Variants in FAM210A observed in about 807,000 individuals in gnomAD.
FAM210A encodes family with sequence similarity 210 member A.
FAM210A carries 13 observed loss-of-function variants against 25.3 expected under a neutral mutation model. The ratio of observed to expected loss-of-function variants is 0.51; its 90% CI spans 0.33 to 0.82. The LOEUF is 0.82. Ranked by LOEUF, FAM210A falls within the 40% of genes least tolerant of loss-of-function variation. FAM210A has a pLI of 0.02. For missense variants in FAM210A, 319 were observed against 323.2 expected, an observed-to-expected ratio of 0.99 and a Z score of 0.10; for synonymous variants, 125 against 118.7, an observed-to-expected ratio of 1.05 and a Z score of -0.35.
chr18:13,724,100 T>C (rs952468613), intron 1 of FAM210A, among the ~76,000 whole-genome samples: 18 of 152,174 alleles, frequency 1.2e-4, no homozygotes, highest in African/African-American at 3.9e-4. Flanking sequence ...TACAAATGGG[T>C]TGAAATAAAT....
chr18:13,709,586 A>G (rs56127752), intron 1 of FAM210A, among the ~76,000 whole-genome samples: 1 of 152,080 alleles, frequency 6.6e-6, no homozygotes, highest in Non-Finnish European at 1.5e-5. Flanking sequence ...ACCTTGCTCT[A>G]TTGGTTTCAT....
At chr18:13,699,643 C>T (rs776011455) in intron 1 of FAM210A, among the ~76,000 whole-genome samples, 1 of 152,160 alleles carries the variant, frequency 6.6e-6, no homozygotes, top group Non-Finnish European at 1.5e-5. Context: ...TCACTTCTGA[C>T]AGGTTGCAGG....
intron 1 of FAM210A, among the ~76,000 whole-genome samples, chr18:13,724,089 T>G (rs2043916252): frequency 6.6e-6 from 1 of 152,144 alleles, no homozygotes; most frequent in Non-Finnish European, 1.5e-5. Flanking sequence ...TCTCACTTTC[T>G]TACAAATGGG....
intron 1 of FAM210A, among the ~76,000 whole-genome samples, chr18:13,685,191 C>T (rs796799886): frequency 1.6e-4 from 24 of 152,124 alleles, no homozygotes; most frequent in African/African-American, 5.8e-4. Context: ...TACTTTCCAA[C>T]TTGACTCTGG....
intron 3 of FAM210A, among the ~76,000 whole-genome samples, chr18:13,667,817 G>C (rs1312907665): frequency 6.6e-6 from 1 of 152,202 alleles, no homozygotes; most frequent in African/African-American, 2.4e-5. Context: ...GGCTGCTTGA[G>C]CTCAGAAGTT....
intron 1 of FAM210A, among the ~76,000 whole-genome samples, chr18:13,705,816 G>A (rs912802015): frequency 3.3e-5 from 5 of 152,114 alleles, no homozygotes; most frequent in South Asian, 2.1e-4. Flanking sequence ...TCAAACCCAC[G>A]TGCCTGAGAA....
intron 3 of FAM210A, among the ~76,000 whole-genome samples, chr18:13,669,610 C>G (rs2149050829): frequency 6.6e-6 from 1 of 152,288 alleles, no homozygotes; most frequent in African/African-American, 2.4e-5. Context: ...TTAGCAGTTA[C>G]CATCATCTAC....
intron 1 of FAM210A, among the ~76,000 whole-genome samples, chr18:13,699,579 TC>T (rs1479777653): frequency 1.1e-4 from 16 of 152,228 alleles, no homozygotes; most frequent in Non-Finnish European, 1.8e-4. Context: ...ATGGTTATTA[TC>T]TGTAATGGTG....
At chr18:13,707,925 C>T (rs1358190195) in intron 1 of FAM210A, among the ~76,000 whole-genome samples, 1 of 152,046 alleles carries the variant, frequency 6.6e-6, no homozygotes, top group Admixed American at 6.5e-5. Context: ...AATCTTCTTC[C>T]ACCACATGGC....
intron 1 of FAM210A, among the ~76,000 whole-genome samples, chr18:13,725,816 C>T (rs1020917297): frequency 1.3e-5 from 2 of 152,134 alleles, no homozygotes; most frequent in Non-Finnish European, 2.9e-5. Context: ...CAAGTTCAGC[C>T]AACGCAGACT....
intron 1 of FAM210A, among the ~76,000 whole-genome samples, chr18:13,717,099 C>G (rs1046226036): frequency 2.0e-5 from 3 of 152,156 alleles, no homozygotes; most frequent in African/African-American, 7.2e-5. Context: ...ACTGATGAAG[C>G]AAGGCTGGGG....
At chr18:13,701,244 A>G (rs963937321) in intron 1 of FAM210A, among the ~76,000 whole-genome samples, 8 of 152,124 alleles carry the variant, frequency 5.3e-5, no homozygotes, top group Admixed American at 2.6e-4. Context: ...TCGGAGCTCT[A>G]CAGATTTGTG....
At chr18:13,719,779 C>G (rs79971396) in intron 1 of FAM210A, among the ~76,000 whole-genome samples, 1 of 151,680 alleles carries the variant, frequency 6.6e-6, no homozygotes. Context: ...CAAAAAAATT[C>G]TACAATCACA....
intron 1 of FAM210A, among the ~76,000 whole-genome samples, chr18:13,698,699 G>A (rs1472924024): frequency 2.0e-5 from 3 of 152,150 alleles, no homozygotes; most frequent in Non-Finnish European, 2.9e-5. Flanking sequence ...AGGCCCAACT[G>A]AAGGAACATC....
intron 1 of FAM210A, among the ~76,000 whole-genome samples, chr18:13,711,438 C>A (rs971952337): frequency 2.0e-5 from 3 of 152,056 alleles, no homozygotes; most frequent in Non-Finnish European, 4.4e-5. Context: ...AACAAAAAAA[C>A]CAGCCTTCTC....
intron 2 of FAM210A, among the ~76,000 whole-genome samples, chr18:13,672,408 A>C (rs116040882): frequency 0.018 from 2,802 of 152,146 alleles, 102 homozygotes; most frequent in African/African-American, 0.061. Context: ...ATGGTTTGTT[A>C]GTTTGTTCTG....
chr18:13,718,414 T>A (rs1601971012), intron 1 of FAM210A, among the ~76,000 whole-genome samples: 1 of 152,024 alleles, frequency 6.6e-6, no homozygotes, highest in African/African-American at 2.4e-5. Context: ...ATGTTAAGAG[T>A]TGGAAGGAAA....
chr18:13,692,464 C>T (rs1189559204), intron 1 of FAM210A, among the ~76,000 whole-genome samples: 1 of 152,178 alleles, frequency 6.6e-6, no homozygotes, highest in African/African-American at 2.4e-5. Flanking sequence ...CTTCTCAGCA[C>T]CACATCACAC....
At chr18:13,694,012 C>T (rs2043671885) in intron 1 of FAM210A, among the ~76,000 whole-genome samples, 1 of 152,188 alleles carries the variant, frequency 6.6e-6, no homozygotes, top group Non-Finnish European at 1.5e-5. Flanking sequence ...TCTCCTTAAA[C>T]CTGATAAGCA....
Sources: gnomAD v4.1 joint callset for allele counts (sites outside exome capture counted in the v4.1 genomes callset) on GRCh38, gnomAD v4.1.1 for gene constraint, MANE v1.5 for transcripts, NCBI Gene and HGNC (gene_info 2026-07-23, HGNC 2026-07-21) for gene names.